Variants in PFAS observed in about 807,000 individuals in gnomAD.
The protein encoded by PFAS is FGAM synthase.
In PFAS, 97 loss-of-function variants were observed where a neutral mutation model predicts 140.6. The ratio of observed to expected loss-of-function variants is 0.69; its 90% CI spans 0.59 to 0.82. PFAS has a LOEUF of 0.82. Ranked by LOEUF, PFAS falls within the 40% of genes least tolerant of loss-of-function variation. The pLI, the probability that PFAS is intolerant of heterozygous loss-of-function variation, is 0.00. For missense variants in PFAS, 1,656 were observed against 1,780.2 expected, an observed-to-expected ratio of 0.93 and a Z score of 1.26; for synonymous variants, 679 against 718.8, an observed-to-expected ratio of 0.94 and a Z score of 0.88.
chr17:8,269,653 A>T lies in PFAS; in HGVS notation c.*389A>T, dbSNP rs1051602483. The T allele has an allele frequency of 1.0e-5, 2 of 199,984 alleles. No individual in the cohort carries two copies. Among genetic ancestry groups the T allele is most frequent in the Non-Finnish European group, 2.1e-5 (2 of 97,064 alleles). 12.4% of individuals were successfully genotyped at this position (199,984 alleles called of 1,614,324 possible). ...ATGTTTTGCGCTCCCTTTTCTCATC[A>T]TTGGGGTTAGCGGGTGCAGACAAAT... On this transcript the variant is annotated 3_prime_UTR_variant, in exon 28 of 28. Transcript: ENST00000314666.
chr17:8,267,941 A>G lies in PFAS; in HGVS notation c.3382+276A>G. ...TTTATATATTATTAAAATGTATATT[A>G]TTTATATATTATTAAAATATATATT... On this transcript the variant is annotated intron_variant, in intron 26 of 27. Transcript: ENST00000314666. The surrounding 1 kb of genome is among the most constrained non-coding windows in gnomAD (Gnocchi z 4.9). Among the ~76,000 whole-genome samples, 1 of 144,512 alleles carries G rather than the reference A, an allele frequency of 6.9e-6. No homozygotes were observed. 94.8% of individuals were successfully genotyped at this position (144,512 alleles called of 152,430 possible).
In PFAS at chr17:8,263,826, G is replaced by C; in HGVS notation, c.1681G>C (p.Glu561Gln). ...ALEIWGAEYQESNALLLRSPN... is the reference protein window; with the variant it reads ...ALEIWGAEYQQSNALLLRSPN... ...GGAAATCTGGGGGGCTGAGTACCAG[G>C]AATCAAATGCTCTTCTGCTGAGGTC... Residue 561 changes from glutamate (E) to glutamine (Q), a missense_variant, in exon 15 of 28, where the codon GAA (glutamate) becomes CAA (glutamine). Transcript: ENST00000314666. 1 of 1,614,152 alleles carries C rather than the reference G, an allele frequency of 6.2e-7. No individual in the cohort carries two copies. Among genetic ancestry groups the C allele is most frequent in the African/African-American group, 1.3e-5 (1 of 75,034 alleles).
chr17:8,269,150 C>T lies in PFAS; in HGVS notation c.3903C>T (p.Ala1301=), dbSNP rs367933898. The stretch of plus-strand genomic sequence containing the variant: ...CTGTCATGCCTCACCCTGAGCGGGC[C>T]GTTAGGCCTTGGCAGTGGGCATGGC... ...HLAVMPHPER[A]VRPWQWAWRP... The change falls in exon 28 of 28, where the codon GCC becomes GCT. Residue 1301 remains alanine, a synonymous_variant. Transcript: ENST00000314666. The T allele has an allele frequency of 5.5e-5, 88 of 1,613,802 alleles. No individual in the cohort carries two copies. The highest frequency in any genetic ancestry group is 6.9e-5 in the Non-Finnish European group (81 of 1,180,018).
Position 8,253,907 on chromosome 17 carries a change from C to T in PFAS, c.-31C>T. 1 of 1,592,116 alleles carries T rather than the reference C, an allele frequency of 6.3e-7. No homozygotes were observed. The highest frequency in any genetic ancestry group is 1.1e-5 in the South Asian group (1 of 88,698). ...AAGGACACATCTCTCCAGCAAAGGACACCTCTCTCCAGCAAAGGACACCTG... is the reference window on the plus strand; with the variant it reads ...AAGGACACATCTCTCCAGCAAAGGATACCTCTCTCCAGCAAAGGACACCTG... On this transcript the variant is annotated 5_prime_UTR_variant, in exon 2 of 28. Transcript: ENST00000314666.
rs1220727807 is a variant in PFAS at position 8,255,526 on chromosome 17, G to T, written c.409G>T (p.Val137Leu). The T allele has an allele frequency of 6.6e-7, 1 of 1,523,010 alleles. No homozygotes were observed. Among genetic ancestry groups the T allele is most frequent in the Non-Finnish European group, 8.8e-7 (1 of 1,138,380 alleles). 94.3% of individuals were successfully genotyped at this position (1,523,010 alleles called of 1,614,324 possible). A position where few individuals can be genotyped will look rare whatever the true frequency, so the allele number is the denominator to read the frequency against. Residue 137 changes from valine (V) to leucine (L), a missense_variant, in exon 5 of 28, where the codon GTG becomes TTG. Coordinates refer to ENST00000314666, the MANE Select transcript of PFAS (RefSeq NM_012393.3). ...GTTTGCCCACCCCCCGTCAGCTGAG[G>T]TGGAAGCCATTGCTCTGGCTACCCT... is the stretch of plus-strand genomic sequence containing the variant. ...LSFAHPPSAE[V>L]EAIALATLHD...
rs148514332 is a variant in PFAS at position 8,267,464 on chromosome 17, G to T, written c.3267+1G>T. On this transcript the variant is annotated splice_donor_variant, in intron 25 of 27. Coordinates refer to ENST00000314666, the MANE Select transcript of PFAS (RefSeq NM_012393.3). LOFTEE classifies it high-confidence loss of function. This position sits in a 1 kb window ranked among gnomAD's most constrained non-coding sequence, Gnocchi z 4.9. Reference sequence around the variant, plus strand: ...TGCCTTCCACTTAGCTGGGTTTGAGGTGAGCAGGGTAGGGGGCAGCTGGGG... The same window carrying T: ...TGCCTTCCACTTAGCTGGGTTTGAGTTGAGCAGGGTAGGGGGCAGCTGGGG... The T allele has an allele frequency of 9.9e-6, 16 of 1,613,590 alleles. No homozygotes were observed. The highest frequency in any genetic ancestry group is 1.3e-5 in the African/African-American group (1 of 74,920).
At chr17:8,260,915 C>T (rs376072443) in intron 11 of PFAS, among the ~76,000 whole-genome samples, 11 of 152,164 alleles carry the variant, frequency 7.2e-5, no homozygotes, top group Non-Finnish European at 1.2e-4. Flanking sequence ...TGAGCCACCG[C>T]GCCCGGCCTA....
Position 8,264,531 on chromosome 17 carries a change from G to A in PFAS, c.1979G>A (p.Ser660Asn). 1 of 1,613,768 alleles carries A rather than the reference G, an allele frequency of 6.2e-7. No individual in the cohort carries two copies. The highest frequency in any genetic ancestry group is 8.5e-7 in the Non-Finnish European group (1 of 1,179,868). ...LQPLALPPGL[S>N]VHQALERVLR... ...CCTCTGGCCTTGCCCCCAGGGCTGA[G>A]CGTGCACCAGGCTCTGGAGAGGGTT... is the stretch of plus-strand genomic sequence containing the variant. Residue 660 changes from serine (S) to asparagine (N), a missense_variant, in exon 17 of 28, where the codon AGC (serine) becomes AAC (asparagine). By Grantham distance (46) the Ser-to-Asn change is conservative. This residue lies in a region of PFAS where 883 missense variants were observed against 1,023.0 expected (regional missense o/e 0.86). Coordinates refer to ENST00000314666, the MANE Select transcript of PFAS (RefSeq NM_012393.3).
chr17:8,268,570 G>A lies in PFAS; in HGVS notation c.3420G>A (p.Gly1140=), dbSNP rs1297255184. The change falls in exon 27 of 28, where the codon GGG becomes GGA. Residue 1140 remains glycine (G), a synonymous_variant. Transcript: ENST00000314666. ...CTGTGACCTTTCATCCCAGGGCTGG[G>A]GCTGAGCTGAGGCGCTTCCGGAAGC... ...AAAVTFHPRA[G]AELRRFRKRP... 1 of 1,612,350 alleles carries A rather than the reference G, an allele frequency of 6.2e-7. No homozygotes were observed.
chr17:8,266,734 C>T lies in PFAS; in HGVS notation c.2822-19C>T, dbSNP rs776474572. The T allele has an allele frequency of 1.9e-6, 3 of 1,583,952 alleles. No homozygotes were observed. Among genetic ancestry groups the T allele is most frequent in the East Asian group, 2.2e-5 (1 of 44,756 alleles). The stretch of plus-strand genomic sequence containing the variant: ...TGGCCCTTCTTGCATCCCCCTGACT[C>T]CCCACATTGCTCTCCCAGTCCTGTC... On this transcript the variant is annotated intron_variant, in intron 22 of 27. Transcript: ENST00000314666. This position sits in a 1 kb window ranked among gnomAD's most constrained non-coding sequence, Gnocchi z 5.0.
chr17:8,250,548 A>G (rs1201098909), intron 1 of PFAS, among the ~76,000 whole-genome samples: 1 of 152,196 alleles, frequency 6.6e-6, no homozygotes, highest in Admixed American at 6.6e-5. Flanking sequence ...GTGTTTACTG[A>G]GTGGCAAGAC....
intron 17 of PFAS, 125 bp downstream of exon 17, chr17:8,264,726 C>T: frequency 8.7e-7 from 1 of 1,143,166 alleles, no homozygotes; most frequent in Non-Finnish European, 1.2e-6. Flanking sequence ...AGGGGCAGGG[C>T]AGCCACCCTG....
chr17:8,259,930 C>G (rs750555326), intron 11 of PFAS, among the ~76,000 whole-genome samples: 3 of 152,112 alleles, frequency 2.0e-5, no homozygotes, highest in Non-Finnish European at 2.9e-5. Flanking sequence ...GTGAAACCCC[C>G]TCTCTGCCAA....
chr17:8,268,762 T>A lies in PFAS; in HGVS notation c.3612T>A (p.Ser1204=). The A allele has an allele frequency of 6.2e-7, 1 of 1,611,504 alleles. No individual in the cohort carries two copies. The highest frequency in any genetic ancestry group is 8.5e-7 in the Non-Finnish European group (1 of 1,179,850). ...LRHNLSGRYE[S]RWASVRVGPG... is the part of the protein sequence containing the mutation. ...ACAACCTGTCTGGGCGCTACGAGTC[T>A]CGCTGGGCCAGCGTGCGTGTGGGGC... The change falls in exon 27 of 28, where the codon TCT becomes TCA. Residue 1204 remains serine, a synonymous_variant. Coordinates refer to ENST00000314666, the MANE Select transcript of PFAS (RefSeq NM_012393.3).
At chr17:8,258,007 G>A (rs1989442012) in intron 10 of PFAS, 64 bp from the exon 11 acceptor site, 1 of 1,612,646 alleles carries the variant, frequency 6.2e-7, no homozygotes, top group South Asian at 1.1e-5. Context: ...CGACCCAGGG[G>A]CTGTGCTATT....
chr17:8,267,693 C>T lies in PFAS; in HGVS notation c.3382+28C>T. ...CAGTGTGCAGGCTTCTGCCCACTCC[C>T]TTCCCCCACATTCCTGAAGAGGTGC... is the stretch of plus-strand genomic sequence containing the variant. On this transcript the variant is annotated intron_variant, in intron 26 of 27. Transcript: ENST00000314666. The surrounding 1 kb of genome is among the most constrained non-coding windows in gnomAD (Gnocchi z 4.9). 4 of 1,268,360 alleles carry T rather than the reference C, an allele frequency of 3.2e-6. No homozygotes were observed. The South Asian group carries it at 3.8e-5, about 12-fold the overall frequency. 78.6% of individuals were successfully genotyped at this position (1,268,360 alleles called of 1,614,324 possible).
chr17:8,267,336 G>A lies in PFAS; in HGVS notation c.3176-36G>A, dbSNP rs766167976. The A allele has an allele frequency of 1.2e-6, 2 of 1,606,000 alleles. No homozygotes were observed. Among genetic ancestry groups the A allele is most frequent in the Non-Finnish European group, 1.7e-6 (2 of 1,173,234 alleles). On this transcript the variant is annotated intron_variant, in intron 24 of 27. Transcript: ENST00000314666. This position sits in a 1 kb window ranked among gnomAD's most constrained non-coding sequence, Gnocchi z 4.9. ...GTCTGGGGAGTTGGGGTGGGGAAGT[G>A]ACTTTCTGGCCCAAAGACACTTATT...
At position 8,256,927 on chromosome 17, in the gene PFAS, A is replaced by G. The variant is rs532048081; in HGVS notation, c.1039A>G (p.Thr347Ala). Residue 347 changes from threonine to alanine, a missense_variant, in exon 9 of 28, where the codon ACT becomes GCT. Thr to Ala is a moderately conservative substitution (Grantham distance 58, BLOSUM62 0). Coordinates refer to ENST00000314666, the MANE Select transcript of PFAS (RefSeq NM_012393.3). Reference sequence around the variant, plus strand: ...CCGCGGGGCCCACGTGGTGGCTGGCACTGCCGGCTATTGCTTTGGAAATCT... The same window carrying G: ...CCGCGGGGCCCACGTGGTGGCTGGCGCTGCCGGCTATTGCTTTGGAAATCT... ...TGRGAHVVAG[T>A]AGYCFGNLHI... is the part of the protein sequence containing the mutation. 3.1e-6 allele frequency: 5 copies of G among 1,614,130 alleles called. No homozygotes were observed. In the East Asian group the frequency reaches 6.7e-5, roughly 22 times the overall value.
chr17:8,256,111 A>G (rs147452915), intron 6 of PFAS, among the ~76,000 whole-genome samples, 156 bp from the exon 7 acceptor site: 82 of 152,332 alleles, frequency 5.4e-4, no homozygotes, highest in South Asian at 3.7e-3. Flanking sequence ...AAATGACAGA[A>G]TACTTGAAGA....
Sources: allele counts gnomAD v4.1 joint callset (sites outside exome capture counted in the v4.1 genomes callset), GRCh38; gene constraint gnomAD v4.1.1; regional missense constraint gnomAD v4.1.1; non-coding constraint Gnocchi (gnomAD v3.1); transcripts MANE v1.5; gene names NCBI Gene and HGNC (gene_info 2026-07-23, HGNC 2026-07-21).